Variants in WWOX observed in about 807,000 individuals in gnomAD.
WWOX encodes WW domain containing oxidoreductase.
A neutral mutation model predicts 46.2 loss-of-function variants in WWOX; 69 were observed. The ratio of observed to expected loss-of-function variants is 1.49; its 90% CI spans 1.23 to 1.82. The LOEUF is 1.82. Ranked by LOEUF, WWOX falls within the 40% of genes most tolerant of loss-of-function variation. The pLI is 0.00. For missense variants in WWOX, 919 were observed against 542.6 expected (o/e 1.69, Z -6.89); for synonymous variants, 359 against 202.6 (o/e 1.77, Z -6.56).
chr16:79,038,175 C>CT (rs940779238), intron 8 of WWOX, among the ~76,000 whole-genome samples: 20 of 151,658 alleles, frequency 1.3e-4, no homozygotes, highest in Middle Eastern at 3.4e-3. Context: ...CACCTGCACA[C>CT]TTTTTTTTTG....
In WWOX at chr16:78,519,445, T is replaced by A. The variant is rs570074467; in HGVS notation, c.1056+86693T>A. Among the ~76,000 whole-genome samples the A allele has an allele frequency of 9.9e-5, 15 of 152,128 alleles. No individual in the cohort carries two copies. The South Asian group carries it at 3.1e-3, about 32-fold the overall frequency. On this transcript the variant is annotated intron_variant, in intron 8 of 8. Coordinates refer to ENST00000566780, the MANE Select transcript of WWOX (RefSeq NM_016373.4). The stretch of plus-strand genomic sequence containing the variant: ...GGTAAAACATGTTAACAGTCTAATG[T>A]GTTTCCTTCTAATTTTTTTCTTCAT...
chr16:78,224,894 C>G lies in WWOX; in HGVS notation c.516+60605C>G, dbSNP rs530294913. Among the ~76,000 whole-genome samples the G allele has an allele frequency of 1.9e-4, 29 of 152,162 alleles. 1 individual carries two copies. In the East Asian group the frequency reaches 5.6e-3, roughly 29 times the overall value. ...TTATTGATGTGTTAACAATTTCTTTCTTTTGCAAATGATCTATTAATGTTC... is the reference window on the plus strand; with the variant it reads ...TTATTGATGTGTTAACAATTTCTTTGTTTTGCAAATGATCTATTAATGTTC... On this transcript the variant is annotated intron_variant, in intron 5 of 8. Coordinates refer to ENST00000566780, the MANE Select transcript of WWOX (RefSeq NM_016373.4).
At chr16:78,581,066 T>G (rs1022673523) in intron 8 of WWOX, among the ~76,000 whole-genome samples, 6 of 151,206 alleles carry the variant, frequency 4.0e-5, no homozygotes, top group African/African-American at 1.5e-4. Flanking sequence ...AGTGGTTGAT[T>G]TTTTTTTTAA....
intron 8 of WWOX, among the ~76,000 whole-genome samples, chr16:78,738,473 T>G (rs2049139934): frequency 6.6e-6 from 1 of 152,130 alleles, no homozygotes; most frequent in South Asian, 2.1e-4. Flanking sequence ...AAAAGAGAAT[T>G]TTGAAATAAT....
chr16:78,330,196 A>G (rs2080722150), intron 5 of WWOX, among the ~76,000 whole-genome samples: 3 of 152,206 alleles, frequency 2.0e-5, no homozygotes, highest in Admixed American at 6.5e-5. Flanking sequence ...TCATTTTTAT[A>G]ATTGCTGATT....
At chr16:78,541,769 A>G (rs1020225924) in intron 8 of WWOX, among the ~76,000 whole-genome samples, 1 of 152,092 alleles carries the variant, frequency 6.6e-6, no homozygotes, top group African/African-American at 2.4e-5. Flanking sequence ...TTATATGTCA[A>G]TGGGTTAGGC....
chr16:78,244,444 G>T (rs2037754861), intron 5 of WWOX, among the ~76,000 whole-genome samples: 5 of 152,216 alleles, frequency 3.3e-5, no homozygotes, highest in Admixed American at 3.3e-4. Flanking sequence ...GATCTAAGCT[G>T]TGAAGTATCT....
At chr16:79,104,055 T>TGGGGGGG (rs2049259118) in intron 8 of WWOX, among the ~76,000 whole-genome samples, 2 of 16,546 alleles carry the variant, frequency 1.2e-4, no homozygotes, top group African/African-American at 1.9e-4. Flanking sequence ...GGGGGGCGGG[T>TGGGGGGG]GGTGGGGGTA....
chr16:78,643,015 C>T (rs998293082), intron 8 of WWOX, among the ~76,000 whole-genome samples: 6 of 152,072 alleles, frequency 3.9e-5, no homozygotes, highest in African/African-American at 1.2e-4. Context: ...TAAACTGTGC[C>T]TGGCACAAAG....
At chr16:78,983,357 T>C (rs530869755) in intron 8 of WWOX, among the ~76,000 whole-genome samples, 1 of 152,348 alleles carries the variant, frequency 6.6e-6, no homozygotes, top group East Asian at 1.9e-4. Flanking sequence ...CGTGGTGTTC[T>C]TTCTTAAGTT....
chr16:78,783,717 GTGATGA>G (rs1181180864), intron 8 of WWOX, among the ~76,000 whole-genome samples: 1 of 81,810 alleles, frequency 1.2e-5, no homozygotes, highest in Admixed American at 1.3e-4. Context: ...GAAGATGAGG[GTGATGA>G]TGTTGATGTT....
intron 8 of WWOX, among the ~76,000 whole-genome samples, chr16:78,602,319 A>C (rs955153264): frequency 1.5e-4 from 23 of 151,258 alleles, no homozygotes; most frequent in Non-Finnish European, 2.7e-4. Flanking sequence ...TGCAACCTTC[A>C]CCTCCTAGGT....
intron 8 of WWOX, among the ~76,000 whole-genome samples, chr16:78,809,259 T>A (rs2051125637): frequency 2.0e-5 from 3 of 150,502 alleles, no homozygotes; most frequent in East Asian, 3.9e-4. Flanking sequence ...TTTTTAGAAG[T>A]TAGATTTTTT....
chr16:78,916,607 A>G (rs924933132), intron 8 of WWOX, among the ~76,000 whole-genome samples: 1 of 152,222 alleles, frequency 6.6e-6, no homozygotes, highest in Non-Finnish European at 1.5e-5. Flanking sequence ...GACAACAGAC[A>G]TAAATTGGGA....
chr16:78,496,139 C>G (rs1457278876), intron 8 of WWOX: 1 of 152,166 alleles, frequency 6.6e-6, no homozygotes, highest in Non-Finnish European at 1.5e-5. Flanking sequence ...CCATACACCA[C>G]CTTGTTTTGT....
rs1005947135 is a variant in WWOX, at chr16:78,981,027, C to A, written c.1057-230581C>A. Reference sequence around the variant, plus strand: ...GCTAAGAAGCGCTGTGTTGCGTCATCATGGGGCATTTTTGTATGTCATGCA... The same window carrying A: ...GCTAAGAAGCGCTGTGTTGCGTCATAATGGGGCATTTTTGTATGTCATGCA... On this transcript the variant is annotated intron_variant, in intron 8 of 8. Coordinates refer to ENST00000566780, the MANE Select transcript of WWOX (RefSeq NM_016373.4). Among the ~76,000 whole-genome samples the A allele has an allele frequency of 3.9e-5, 6 of 152,298 alleles. No homozygotes were observed. The South Asian group carries it at 1.2e-3, about 32-fold the overall frequency.
chr16:78,852,580 C>G (rs948813068), intron 8 of WWOX, among the ~76,000 whole-genome samples: 3 of 152,050 alleles, frequency 2.0e-5, no homozygotes, highest in African/African-American at 4.8e-5. Flanking sequence ...TAGGAGACAC[C>G]CAAGTCAAAT....
chr16:79,206,444 G>T (rs1417792662), intron 8 of WWOX: 1 of 152,174 alleles, frequency 6.6e-6, no homozygotes, highest in East Asian at 1.9e-4. Context: ...TATCAGGTAG[G>T]CTTCTCTCTA....
At chr16:78,821,455 T>A (rs878944912) in intron 8 of WWOX, among the ~76,000 whole-genome samples, 1 of 152,160 alleles carries the variant, frequency 6.6e-6, no homozygotes, top group Non-Finnish European at 1.5e-5. Context: ...GTAGATGAGT[T>A]TCAGGATTGC....
Sources: allele counts gnomAD v4.1 joint callset (sites outside exome capture counted in the v4.1 genomes callset), GRCh38; gene constraint gnomAD v4.1.1; transcripts MANE v1.5; gene names NCBI Gene and HGNC (gene_info 2026-07-23, HGNC 2026-07-21).